Variants in PDE7B observed in about 807,000 individuals in gnomAD.
The protein encoded by PDE7B is 3',5'-cyclic-AMP phosphodiesterase 7B.
In PDE7B, 29 loss-of-function variants were observed where a neutral mutation model predicts 56.2. The ratio of observed to expected loss-of-function variants is 0.52; its 90% CI spans 0.38 to 0.70. The LOEUF is 0.70. PDE7B is among the 30% of genes least tolerant of loss of function. The pLI is 0.00. For synonymous variants in PDE7B, 197 were observed against 196.9 expected (o/e 1.00, Z 0.00); for missense variants, 490 against 565.0 (o/e 0.87, Z 1.35).
chr6:135,948,712 TGAAC>T (rs1774633451), intron 2 of PDE7B, among the ~76,000 whole-genome samples: 1 of 151,834 alleles, frequency 6.6e-6, no homozygotes, highest in African/African-American at 2.4e-5. Flanking sequence ...CATTGAAAAA[TGAAC>T]GTTTTACTAG....
At chr6:135,915,416 C>T (rs910376209) in intron 1 of PDE7B, among the ~76,000 whole-genome samples, 3 of 152,238 alleles carry the variant, frequency 2.0e-5, no homozygotes, top group African/African-American at 7.2e-5. Flanking sequence ...ACATATGACA[C>T]TTCCAGATAA....
At chr6:136,058,964 G>A (rs1242028653) in intron 2 of PDE7B, among the ~76,000 whole-genome samples, 2 of 152,168 alleles carry the variant, frequency 1.3e-5, no homozygotes, top group Non-Finnish European at 2.9e-5. Context: ...AATAGGATTA[G>A]AGAGTCAGCA....
At chr6:135,946,730 T>C (rs956515843) in intron 1 of PDE7B, among the ~76,000 whole-genome samples, 22 of 152,252 alleles carry the variant, frequency 1.4e-4, no homozygotes, top group African/African-American at 5.1e-4. Flanking sequence ...TCATGTACTT[T>C]ATCCATTTTT....
intron 2 of PDE7B, among the ~76,000 whole-genome samples, chr6:136,082,228 T>C (rs979417595): frequency 1.3e-5 from 2 of 152,172 alleles, no homozygotes; most frequent in African/African-American, 2.4e-5. Flanking sequence ...ATGACCAACC[T>C]CTCACCATGG....
At chr6:135,934,819 TA>T (rs1774370860) in intron 1 of PDE7B, among the ~76,000 whole-genome samples, 3 of 108,930 alleles carry the variant, frequency 2.8e-5, no homozygotes, top group Non-Finnish European at 3.4e-5. Flanking sequence ...ATTATATATA[TA>T]TTTAATAAAT....
At chr6:136,191,564 G>C (rs772235755) in intron 12 of PDE7B, 50 bp from the exon 13 acceptor site, 25 of 1,447,058 alleles carry the variant, frequency 1.7e-5, no homozygotes, top group Non-Finnish European at 2.3e-5. Flanking sequence ...AGGGAGTAAG[G>C]AGCGGGTTTC....
At chr6:135,978,788 G>T (rs1364193538) in intron 2 of PDE7B, among the ~76,000 whole-genome samples, 2 of 152,030 alleles carry the variant, frequency 1.3e-5, no homozygotes, top group African/African-American at 4.8e-5. Flanking sequence ...CTGAGACAAT[G>T]GGGTTTTCTA....
At chr6:136,179,305 C>T (rs1338463582) in intron 10 of PDE7B, among the ~76,000 whole-genome samples, 164 bp downstream of exon 10, 2 of 152,096 alleles carry the variant, frequency 1.3e-5, no homozygotes, top group African/African-American at 2.4e-5. Flanking sequence ...TGCACCACTG[C>T]ACTCCAGCCT....
chr6:136,125,777 T>C (rs969663914), intron 3 of PDE7B, among the ~76,000 whole-genome samples: 1 of 152,100 alleles, frequency 6.6e-6, no homozygotes, highest in Admixed American at 6.5e-5. Context: ...TCCATTCTTC[T>C]TGTAAAGGTG....
At chr6:136,183,364 C>T (rs1000214301) in intron 11 of PDE7B, among the ~76,000 whole-genome samples, 3 of 151,902 alleles carry the variant, frequency 2.0e-5, no homozygotes, top group East Asian at 1.9e-4. Flanking sequence ...GAGGCCAAGG[C>T]GGGCGGATCA....
intron 8 of PDE7B, among the ~76,000 whole-genome samples, chr6:136,168,120 AG>A (rs1460057468): frequency 6.6e-6 from 1 of 152,216 alleles, no homozygotes; most frequent in Non-Finnish European, 1.5e-5. Flanking sequence ...GGAAGGTATT[AG>A]GGTTAGCAAA....
intron 8 of PDE7B, among the ~76,000 whole-genome samples, chr6:136,172,542 T>G (rs1260785824): frequency 1.3e-5 from 2 of 152,210 alleles, no homozygotes; most frequent in Non-Finnish European, 1.5e-5. Flanking sequence ...TAGCCCTTTG[T>G]CAGATGAGTA....
At chr6:135,887,424 A>G (rs1775729390) in intron 1 of PDE7B, among the ~76,000 whole-genome samples, 1 of 152,164 alleles carries the variant, frequency 6.6e-6, no homozygotes, top group Non-Finnish European at 1.5e-5. Flanking sequence ...AATTTTCCCT[A>G]ACCTGTAACC....
intron 1 of PDE7B, among the ~76,000 whole-genome samples, chr6:135,873,021 T>G (rs1476137821): frequency 6.6e-6 from 1 of 152,190 alleles, no homozygotes; most frequent in Non-Finnish European, 1.5e-5. Context: ...TTATACTTCA[T>G]TCTGTAAATA....
At chr6:135,900,357 C>A (rs1350684587) in intron 1 of PDE7B, among the ~76,000 whole-genome samples, 1 of 151,956 alleles carries the variant, frequency 6.6e-6, no homozygotes, top group East Asian at 1.9e-4. Context: ...TCTTTTATAT[C>A]TGCTATATTT....
intron 2 of PDE7B, among the ~76,000 whole-genome samples, chr6:136,005,634 G>A (rs1775768160): frequency 6.6e-6 from 1 of 152,220 alleles, no homozygotes; most frequent in African/African-American, 2.4e-5. Context: ...TCAGAGAAAT[G>A]CAAATCAAAA....
intron 1 of PDE7B, among the ~76,000 whole-genome samples, chr6:135,881,250 C>T (rs956756094): frequency 6.6e-6 from 1 of 151,598 alleles, no homozygotes. Flanking sequence ...GTAATCCCAT[C>T]ACTTTGGGAG....
chr6:136,181,354 T>C (rs1002754587), intron 11 of PDE7B, 31 bp downstream of exon 11: 1 of 1,288,562 alleles, frequency 7.8e-7, no homozygotes, highest in African/African-American at 1.4e-5. Flanking sequence ...TGAGATTTCA[T>C]TGCCCTGTCT....
intron 1 of PDE7B, among the ~76,000 whole-genome samples, chr6:135,875,507 T>TC (rs1220864008): frequency 6.6e-6 from 1 of 152,160 alleles, no homozygotes; most frequent in African/African-American, 2.4e-5. Flanking sequence ...ATCATGTCCA[T>TC]CCCTAGAACT....
Sources: allele counts gnomAD v4.1 joint callset (sites outside exome capture counted in the v4.1 genomes callset), GRCh38; gene constraint gnomAD v4.1.1; transcripts MANE v1.5; gene names NCBI Gene and HGNC (gene_info 2026-07-23, HGNC 2026-07-21).